The following PJA2 variants were observed in gnomAD, a reference collection of about 807,000 sequenced individuals.
The protein encoded by PJA2 is E3 ubiquitin-protein ligase Praja-2.
PJA2 carries 25 observed loss-of-function variants against 69.3 expected under a neutral mutation model. That is an observed-to-expected ratio of 0.36 (90% CI 0.26 to 0.50). The LOEUF is 0.50. Ranked by LOEUF, PJA2 falls within the 20% of genes least tolerant of loss-of-function variation. PJA2 has a pLI of 0.96. For missense variants in PJA2, 809 were observed against 830.2 expected, an observed-to-expected ratio of 0.97 and a Z score of 0.31; for synonymous variants, 308 against 277.8, an observed-to-expected ratio of 1.11 and a Z score of -1.08.
intron 9 of PJA2, among the ~76,000 whole-genome samples, chr5:109,342,656 G>A (rs1354599167): frequency 2.2e-4 from 23 of 102,890 alleles, no homozygotes; most frequent in East Asian, 3.2e-4. Context: ...GGAGGTGGGG[G>A]TGTCAGCCCC....
chr5:109,382,523 A>AT (rs1225134759), intron 2 of PJA2, among the ~76,000 whole-genome samples: 1 of 152,222 alleles, frequency 6.6e-6, no homozygotes, highest in African/African-American at 2.4e-5. Flanking sequence ...ACTAAACAAA[A>AT]TATTTTCTCA....
At chr5:109,354,119 CTATGG>C (rs1204669223) in intron 7 of PJA2, among the ~76,000 whole-genome samples, 1 of 92,182 alleles carries the variant, frequency 1.1e-5, no homozygotes, top group Non-Finnish European at 2.4e-5. Flanking sequence ...GATTAGATAT[CTATGG>C]TATCTAGAGC....
chr5:109,355,875 C>A (rs775118727), intron 7 of PJA2, 40 bp downstream of exon 7: 2 of 1,371,704 alleles, frequency 1.5e-6, no homozygotes, highest in Non-Finnish European at 2.0e-6. Context: ...CATTTTGTAT[C>A]CCATCAACTT....
At position 109,335,353 on chromosome 5, in the gene PJA2, G is replaced by A. The variant is rs1390520361; in HGVS notation, c.*1878C>T. The A allele has an allele frequency of 6.6e-6, 1 of 152,584 alleles. No individual in the cohort carries two copies. The highest frequency in any genetic ancestry group is 2.4e-5 in the African/African-American group (1 of 41,430). The allele number at this position is 152,584 out of a possible 1,614,324, so 9.5% of individuals were successfully genotyped here. A position where few individuals can be genotyped will look rare whatever the true frequency, so the allele number is the denominator to read the frequency against. ...CTTAAGTTCAGCTCTCAACATTGCTGGTTGAGTTTGGAACCAAAACCTCTT... is the reference window on the plus strand; with the variant it reads ...CTTAAGTTCAGCTCTCAACATTGCTAGTTGAGTTTGGAACCAAAACCTCTT... On this transcript the variant is annotated 3_prime_UTR_variant, in exon 10 of 10. Transcript: ENST00000361189.
chr5:109,348,572 T>C (rs1762205601), intron 7 of PJA2, among the ~76,000 whole-genome samples: 1 of 152,158 alleles, frequency 6.6e-6, no homozygotes, highest in African/African-American at 2.4e-5. Context: ...CTCCACAGAC[T>C]AGGCTTCCTC....
At chr5:109,375,499 C>A (rs1057219850) in intron 4 of PJA2, among the ~76,000 whole-genome samples, 2 of 151,986 alleles carry the variant, frequency 1.3e-5, no homozygotes, top group African/African-American at 4.8e-5. Flanking sequence ...CAGAGAGAAA[C>A]TCTGTCTCGA....
intron 9 of PJA2, among the ~76,000 whole-genome samples, chr5:109,341,052 C>T (rs1323660307): frequency 1.4e-5 from 2 of 145,590 alleles, no homozygotes; most frequent in African/African-American, 2.5e-5. Flanking sequence ...AGCCTCTGCC[C>T]GGCTGCCACC....
At chr5:109,350,379 C>G (rs1462057193) in intron 7 of PJA2, among the ~76,000 whole-genome samples, 1 of 151,724 alleles carries the variant, frequency 6.6e-6, no homozygotes, top group Non-Finnish European at 1.5e-5. Context: ...CCTAAATCAC[C>G]CTATCTAGAA....
intron 6 of PJA2, 63 bp from the exon 7 acceptor site, chr5:109,356,089 G>A (rs1762408554): frequency 2.8e-6 from 3 of 1,082,638 alleles, no homozygotes; most frequent in South Asian, 2.6e-5. Flanking sequence ...CTTATGCTGA[G>A]GACATAATTA....
chr5:109,399,455 A>T (rs1363406133), intron 1 of PJA2, among the ~76,000 whole-genome samples: 14 of 152,198 alleles, frequency 9.2e-5, no homozygotes, highest in Admixed American at 9.2e-4. Flanking sequence ...ACACAGAGAA[A>T]GCTGAAAGTT....
chr5:109,403,824 C>T (rs1747618603), intron 1 of PJA2, among the ~76,000 whole-genome samples: 2 of 150,630 alleles, frequency 1.3e-5, no homozygotes, highest in East Asian at 3.9e-4. Context: ...GTAATCCCAA[C>T]ACTTTGGGGG....
chr5:109,375,924 G>C lies in PJA2; in HGVS notation c.1283+2280C>G, dbSNP rs79982016. ...TAGAGGAACAGGACACAGCAGCATA[G>C]AAACAGAGTTTCTGTTCAGAAATAG... On this transcript the variant is annotated intron_variant, in intron 4 of 9. Transcript: ENST00000361189. 5.4e-3 allele frequency among the ~76,000 whole-genome samples: 828 copies of C among 152,264 alleles called. 7 individuals are homozygous for C. Among genetic ancestry groups the C allele is most frequent in the South Asian group, 0.05 (239 of 4,824 alleles).
chr5:109,351,574 G>C (rs572492965), intron 7 of PJA2, among the ~76,000 whole-genome samples: 1 of 152,074 alleles, frequency 6.6e-6, no homozygotes, highest in South Asian at 2.1e-4. Flanking sequence ...AATGTGCAAG[G>C]GGATTTTTTC....
chr5:109,405,416 C>G (rs74487408), intron 1 of PJA2, among the ~76,000 whole-genome samples: 5,776 of 152,234 alleles, frequency 0.038, 111 homozygotes, highest in Middle Eastern at 0.051. Context: ...GAAACCAACA[C>G]GCAGCCTCTA....
chr5:109,342,217 G>A (rs1259489253), intron 9 of PJA2, among the ~76,000 whole-genome samples: 3 of 43,462 alleles, frequency 6.9e-5, no homozygotes, highest in African/African-American at 1.0e-4. Context: ...CAGCCCCCCC[G>A]CCCGGCCAGC....
chr5:109,396,632 G>A (rs1747419000), intron 1 of PJA2, among the ~76,000 whole-genome samples: 2 of 150,834 alleles, frequency 1.3e-5, no homozygotes, highest in Admixed American at 6.6e-5. Context: ...TCACCATGTT[G>A]GTCAGGCTAG....
At chr5:109,385,139 G>A (rs1197702193) in intron 1 of PJA2, among the ~76,000 whole-genome samples, 1 of 152,110 alleles carries the variant, frequency 6.6e-6, no homozygotes, top group Non-Finnish European at 1.5e-5. Context: ...ATTCTGAGAT[G>A]GAAAACCATC....
At chr5:109,405,128 G>A (rs1011654619) in intron 1 of PJA2, among the ~76,000 whole-genome samples, 1 of 152,134 alleles carries the variant, frequency 6.6e-6, no homozygotes, top group Non-Finnish European at 1.5e-5. Flanking sequence ...AAAACCAACT[G>A]TATTTTTACA....
intron 1 of PJA2, among the ~76,000 whole-genome samples, chr5:109,399,848 A>G (rs931582142): frequency 2.6e-5 from 4 of 152,236 alleles, no homozygotes; most frequent in Non-Finnish European, 5.9e-5. Flanking sequence ...TAAAGGCTCT[A>G]GCACAAAGGT....
Sources: allele counts gnomAD v4.1 joint callset (sites outside exome capture counted in the v4.1 genomes callset), GRCh38; gene constraint gnomAD v4.1.1; transcripts MANE v1.5; gene names NCBI Gene and HGNC (gene_info 2026-07-23, HGNC 2026-07-21).